Variants in GRHL2 observed in about 807,000 individuals in gnomAD.
The protein encoded by GRHL2 is grainyhead like transcription factor 2.
Under a neutral mutation model 83.8 loss-of-function variants are expected in GRHL2, and 21 were observed. The observed-to-expected ratio is 0.25, with a 90% CI of 0.18 to 0.36. GRHL2 has a LOEUF of 0.36. Among genes scored for constraint, GRHL2 ranks in the 10% least tolerant of loss-of-function variants. The pLI, the probability that GRHL2 is intolerant of heterozygous loss-of-function variation, is 1.00. For synonymous variants in GRHL2, 280 were observed against 278.9 expected (o/e 1.00, Z -0.04); for missense variants, 623 against 781.8 (o/e 0.80, Z 2.42).
intron 13 of GRHL2, 66 bp from the exon 14 acceptor site, chr8:101,649,348 C>G: frequency 7.9e-7 from 1 of 1,273,394 alleles, no homozygotes; most frequent in Non-Finnish European, 1.1e-6. Flanking sequence ...AGGAAACAGT[C>G]CCCTGGAGCA....
At chr8:101,647,195 C>T (rs902814435) in intron 13 of GRHL2, among the ~76,000 whole-genome samples, 2 of 152,112 alleles carry the variant, frequency 1.3e-5, no homozygotes, top group Non-Finnish European at 2.9e-5. Context: ...GAAACCCCCT[C>T]TCTACTAAAA....
intron 1 of GRHL2, among the ~76,000 whole-genome samples, chr8:101,511,681 A>T (rs546630): frequency 6.6e-6 from 1 of 151,612 alleles, no homozygotes. Flanking sequence ...TTTTTTAAAT[A>T]TCTTCTAGGT....
At chr8:101,591,739 G>T (rs1812286835) in intron 7 of GRHL2, among the ~76,000 whole-genome samples, 1 of 152,168 alleles carries the variant, frequency 6.6e-6, no homozygotes. Flanking sequence ...TTCATAGAGT[G>T]GTTGCCAGGA....
chr8:101,515,414 G>A (rs1450439737), intron 1 of GRHL2, among the ~76,000 whole-genome samples: 1 of 152,256 alleles, frequency 6.6e-6, no homozygotes, highest in Non-Finnish European at 1.5e-5. Flanking sequence ...TTAAGTCACG[G>A]ATTCTGTCCT....
chr8:101,537,103 A>C (rs1007272021), intron 1 of GRHL2, among the ~76,000 whole-genome samples: 2 of 152,174 alleles, frequency 1.3e-5, no homozygotes, highest in Non-Finnish European at 2.9e-5. Flanking sequence ...AAAGGACATG[A>C]TCTTGTTCTT....
At chr8:101,612,520 G>GATAGATAGATACATACATACATAC (rs371662487) in intron 8 of GRHL2, among the ~76,000 whole-genome samples, 70 of 123,774 alleles carry the variant, frequency 5.7e-4, no homozygotes, top group Non-Finnish European at 8.5e-4. Context: ...TAGATAGATA[G>GATAGATAGATACATACATACATAC]ATACATACAT....
chr8:101,676,707 C>A, the GRHL2 span, among the ~76,000 whole-genome samples: 1 of 152,170 alleles, frequency 6.6e-6, no homozygotes, highest in African/African-American at 2.4e-5. Context: ...CATCCCATTA[C>A]TGGGTATATA....
At chr8:101,672,918 A>C (rs1300575511), downstream of GRHL2, among the ~76,000 whole-genome samples, 4 of 151,184 alleles carry the variant, frequency 2.6e-5, no homozygotes, top group Non-Finnish European at 5.9e-5. Context: ...TAAAGAAAAG[A>C]ATTTTCAACC....
intron 9 of GRHL2, among the ~76,000 whole-genome samples, chr8:101,626,024 C>G (rs371264701): frequency 3.3e-5 from 5 of 152,002 alleles, no homozygotes; most frequent in African/African-American, 1.2e-4. Context: ...ATTTTTGAAG[C>G]TCTAATTTCA....
intron 5 of GRHL2, 115 bp from the exon 6 acceptor site, chr8:101,573,553 T>A: frequency 7.7e-7 from 1 of 1,300,634 alleles, no homozygotes; most frequent in Admixed American, 1.7e-5. Context: ...GTGTTTTGTC[T>A]CTAAAACAGT....
At chr8:101,645,116 ATTTTTTTTTTTTTTT>A (rs553249046) in intron 13 of GRHL2, among the ~76,000 whole-genome samples, 40 of 117,350 alleles carry the variant, frequency 3.4e-4, no homozygotes, top group African/African-American at 1.2e-3. Context: ...GCAGTACAGA[ATTTTTTTTTTTTTTT>A]TTTTTTTTTT....
At position 101,601,159 on chromosome 8, in the gene GRHL2, AACACACACACAC is replaced by A. The variant is rs5893575; in HGVS notation, c.1098+2027_1098+2038del. ...TGGGTAACAGTATGAGACTGTCTTA[AACACACACACAC>A]ACACACACACACACACACCCCACCA... On this transcript the variant is annotated intron_variant, in intron 8 of 15. Coordinates refer to ENST00000646743, the MANE Select transcript of GRHL2 (RefSeq NM_024915.4). Among the ~76,000 whole-genome samples, 7 of 137,498 alleles carry A rather than the reference AACACACACACAC, an allele frequency of 5.1e-5. No homozygotes were observed. The East Asian group carries it at 1.0e-3, about 20-fold the overall frequency. 90.2% of individuals were successfully genotyped at this position (137,498 alleles called of 152,430 possible).
At chr8:101,493,892 G>A (rs531495079) in intron 1 of GRHL2, among the ~76,000 whole-genome samples, 56 of 151,918 alleles carry the variant, frequency 3.7e-4, no homozygotes, top group African/African-American at 1.2e-3. Context: ...CCCCGCCCTC[G>A]GAAGGCTTTG....
chr8:101,513,780 G>A (rs1347177125), intron 1 of GRHL2, among the ~76,000 whole-genome samples: 1 of 152,096 alleles, frequency 6.6e-6, no homozygotes, highest in East Asian at 1.9e-4. Flanking sequence ...ACACACGTGA[G>A]CTATCGCGCC....
chr8:101,564,021 T>C (rs946955638), intron 4 of GRHL2, among the ~76,000 whole-genome samples: 3 of 152,236 alleles, frequency 2.0e-5, no homozygotes, highest in Middle Eastern at 3.2e-3. Flanking sequence ...GTTTGTTGTT[T>C]GTATTGTAGA....
At chr8:101,649,579 C>T in intron 14 of GRHL2, 80 bp downstream of exon 14, 1 of 1,030,532 alleles carries the variant, frequency 9.7e-7, no homozygotes, top group Admixed American at 1.9e-5. Context: ...AACGTGCAGC[C>T]ACCGAGATGG....
intron 8 of GRHL2, among the ~76,000 whole-genome samples, chr8:101,615,555 A>G (rs1352703209): frequency 6.6e-6 from 1 of 152,196 alleles, no homozygotes; most frequent in African/African-American, 2.4e-5. Flanking sequence ...CAGCAGGAAG[A>G]TCTCTATGAA....
rs1814156263 is a variant in GRHL2, at chr8:101,669,275, C to G, written c.*2572C>G. 1.6e-4 allele frequency: 1 copy of G among 6,122 alleles called. No individual in the cohort carries two copies. The highest frequency in any genetic ancestry group is 6.0e-4 in the Non-Finnish European group (1 of 1,666). 0.4% of individuals were successfully genotyped at this position (6,122 alleles called of 1,614,324 possible). On this transcript the variant is annotated 3_prime_UTR_variant, in exon 16 of 16. Coordinates refer to ENST00000646743, the MANE Select transcript of GRHL2 (RefSeq NM_024915.4). The stretch of plus-strand genomic sequence containing the variant: ...TTTTCTTTTTTTTTTTTAACAAAGT[C>G]TGAACTGAACAGAACAAGACTTTTT...
intron 7 of GRHL2, among the ~76,000 whole-genome samples, chr8:101,595,916 C>T (rs917636922): frequency 2.6e-5 from 4 of 151,908 alleles, no homozygotes; most frequent in African/African-American, 9.7e-5. Context: ...GTCAGGAGAT[C>T]GAGACCATCC....
Sources: gnomAD v4.1 joint callset for allele counts (sites outside exome capture counted in the v4.1 genomes callset) on GRCh38, gnomAD v4.1.1 for gene constraint, MANE v1.5 for transcripts, NCBI Gene and HGNC (gene_info 2026-07-23, HGNC 2026-07-21) for gene names.